Variants in CEP131 observed in about 807,000 individuals in gnomAD.
CEP131 encodes the protein centrosomal protein 131, also known as centrosomal protein of 131 kDa.
A neutral mutation model predicts 136.8 loss-of-function variants in CEP131; 99 were observed. That is an observed-to-expected ratio of 0.72 (90% CI 0.62 to 0.86). The LOEUF is 0.86. Ranked by LOEUF, CEP131 falls within the 40% of genes least tolerant of loss-of-function variation. The pLI, the probability that CEP131 is intolerant of heterozygous loss-of-function variation, is 0.00. For missense variants in CEP131, 1,459 were observed against 1,463.0 expected, an observed-to-expected ratio of 1.00 and a Z score of 0.04; for synonymous variants, 646 against 612.7, an observed-to-expected ratio of 1.05 and a Z score of -0.80.
chr17:81,200,026 C>T (rs924788692), intron 8 of CEP131, 191 bp from the exon 9 acceptor site: 48 of 638,022 alleles, frequency 7.5e-5, no homozygotes, highest in South Asian at 7.5e-4. Flanking sequence ...AGCCCTACGT[C>T]GCAGGTGGCC....
chr17:81,206,537 C>A (rs965067001), intron 5 of CEP131, among the ~76,000 whole-genome samples: 1 of 152,264 alleles, frequency 6.6e-6, no homozygotes. Flanking sequence ...AAGAGCAAAG[C>A]CTGGGCCGAG....
At chr17:81,198,560 T>C (rs2725420) in intron 11 of CEP131, among the ~76,000 whole-genome samples, 145,201 of 152,274 alleles carry the variant, frequency 0.95, 69,330 homozygotes, top group East Asian at 0.99. Context: ...GGCCCCACCA[T>C]TGAGCAGCCT....
At position 81,192,495 on chromosome 17, in the gene CEP131, T is replaced by C. The variant is rs1009543032; in HGVS notation, c.2528A>G (p.Glu843Gly). 2.2e-5 allele frequency: 35 copies of C among 1,611,394 alleles called. No individual in the cohort carries two copies. The highest frequency in any genetic ancestry group is 2.4e-5 in the Non-Finnish European group (28 of 1,179,736). The change falls in exon 20 of 26, where the codon GAG (glutamate) becomes GGG (glycine). Residue 843 changes from glutamate to glycine, a missense_variant. Glu to Gly is a moderately conservative substitution (Grantham distance 98). Around this residue, in one of 3 missense-constraint regions of CEP131, gnomAD observed 1,026 missense variants for 964.2 expected, o/e 1.06. Coordinates refer to ENST00000450824, the MANE Select transcript of CEP131 (RefSeq NM_014984.4). Reference sequence around the variant, plus strand: ...GTAGACCTGGTGCCGGCGCTCCTGCTCCTCCCTGCCCTTCTCAAACTCAGC... The same window carrying C: ...GTAGACCTGGTGCCGGCGCTCCTGCCCCTCCCTGCCCTTCTCAAACTCAGC... Reference protein sequence around the residue: ...LRAEFEKGREEQERRHQMELN... With the variant: ...LRAEFEKGREGQERRHQMELN...
chr17:81,213,721 G>A (rs1288928117), intron 2 of CEP131, among the ~76,000 whole-genome samples: 4 of 152,178 alleles, frequency 2.6e-5, no homozygotes, highest in African/African-American at 9.7e-5. Flanking sequence ...AGAGCACAGG[G>A]GATGGGCGAC....
rs2062236907 is a variant in CEP131 at position 81,215,983 on chromosome 17, T to A, written c.177+3897A>T. ...GCCCACACCCGTAATCCCAGCACTT[T>A]GGGAGGCCGAGGTGGGAGGATCGCT... On this transcript the variant is annotated intron_variant, in intron 2 of 25. Coordinates refer to ENST00000450824, the MANE Select transcript of CEP131 (RefSeq NM_014984.4). This position sits in a 1 kb window ranked among gnomAD's most constrained non-coding sequence, Gnocchi z 4.1. Among the ~76,000 whole-genome samples, 1 of 151,864 alleles carries A rather than the reference T, an allele frequency of 6.6e-6. No individual in the cohort carries two copies. The highest frequency in any genetic ancestry group is 2.1e-4 in the South Asian group (1 of 4,798).
At chr17:81,210,179 T>C (rs1367178921) in intron 2 of CEP131, among the ~76,000 whole-genome samples, 1 of 152,214 alleles carries the variant, frequency 6.6e-6, no homozygotes, top group Non-Finnish European at 1.5e-5. Context: ...TCCCTGACTT[T>C]CCTGTAGGCT....
At chr17:81,193,770 C>T (rs1447447166) in intron 18 of CEP131, among the ~76,000 whole-genome samples, 156 bp downstream of exon 18, 1 of 152,192 alleles carries the variant, frequency 6.6e-6, no homozygotes, top group Non-Finnish European at 1.5e-5. Context: ...GGCTGGGCCC[C>T]CAAGGGCCAC....
intron 15 of CEP131, 59 bp downstream of exon 15, chr17:81,196,642 T>C: frequency 6.4e-7 from 1 of 1,555,232 alleles, no homozygotes; most frequent in South Asian, 1.2e-5. Context: ...CCCCTGGCTC[T>C]GGAAGTCTCC....
chr17:81,221,948 C>T (rs112558835), intron 1 of CEP131, among the ~76,000 whole-genome samples: 20 of 152,206 alleles, frequency 1.3e-4, no homozygotes, highest in African/African-American at 3.9e-4. Context: ...GTCCCTTCCA[C>T]GGAGCGATGG....
In CEP131 at chr17:81,197,373, C is replaced by T. The variant is rs115371993; in HGVS notation, c.1648-318G>A. ...CCTGGCCGCTAGTGTTCACCCAGGA[C>T]AAACCAACCCAGAGGACAGCAGGGC... On this transcript the variant is annotated intron_variant, in intron 13 of 25. Transcript: ENST00000450824. 1,157 of 483,448 alleles carry T rather than the reference C, an allele frequency of 2.4e-3. 11 individuals carry two copies. In the African/African-American group the frequency reaches 0.03, roughly 13 times the overall value. 29.9% of individuals were successfully genotyped at this position (483,448 alleles called of 1,614,324 possible).
rs141427598 is a variant in CEP131, at chr17:81,197,453, C to T, written c.1647+259G>A. 3.1e-4 allele frequency: 175 copies of T among 566,272 alleles called. 1 individual carries two copies. Among genetic ancestry groups the T allele is most frequent in the Admixed American group, 9.1e-4 (27 of 29,726 alleles). The allele number at this position is 566,272 out of a possible 1,614,324, so 35.1% of individuals were successfully genotyped here. ...GGCTCGTGGAGGCAGCTCGGGGCAG[C>T]GGGTAGGTGGGGGCAGTATGGGGAA... is the stretch of plus-strand genomic sequence containing the variant. On this transcript the variant is annotated intron_variant, in intron 13 of 25. Transcript: ENST00000450824.
chr17:81,192,029 G>C (rs1355883346), intron 21 of CEP131, among the ~76,000 whole-genome samples: 1 of 152,076 alleles, frequency 6.6e-6, no homozygotes, highest in African/African-American at 2.4e-5. Flanking sequence ...GGCTGGTCGT[G>C]GGGCGCAGGG....
chr17:81,199,335 C>T (rs1465994646), intron 10 of CEP131, 46 bp downstream of exon 10: 1 of 1,534,206 alleles, frequency 6.5e-7, no homozygotes, highest in Admixed American at 2.0e-5. Flanking sequence ...TCCTTCCTGG[C>T]TGCAGTCCAC....
Position 81,199,501 on chromosome 17 carries a change from C to G in CEP131, c.1072G>C (p.Glu358Gln). Residue 358 changes from glutamate to glutamine, a missense_variant, in exon 10 of 26, where the codon GAG becomes CAG. Glu to Gln is a conservative substitution (Grantham distance 29). Coordinates refer to ENST00000450824, the MANE Select transcript of CEP131 (RefSeq NM_014984.4). ...ALRAQKASTA[E>Q]RGPPENPRET... ...CTGGGATTCTCAGGTGGCCCACGCT[C>G]GGCAGTGCTCGCCTTCTGGGCTCTC... 1 of 1,608,538 alleles carries G rather than the reference C, an allele frequency of 6.2e-7. No homozygotes were observed. The highest frequency in any genetic ancestry group is 8.5e-7 in the Non-Finnish European group (1 of 1,178,062).
At chr17:81,205,804 G>A (rs1030957547) in intron 5 of CEP131, among the ~76,000 whole-genome samples, 2 of 152,084 alleles carry the variant, frequency 1.3e-5, no homozygotes, top group African/African-American at 4.8e-5. Flanking sequence ...AAGGCTGAAG[G>A]GGGAGGATCT....
At position 81,208,826 on chromosome 17, in the gene CEP131, G is replaced by A. The variant is rs1490221644; in HGVS notation, c.272+102C>T. 1.1e-5 allele frequency: 10 copies of A among 909,510 alleles called. No individual in the cohort carries two copies. The African/African-American group carries it at 1.5e-4, about 13-fold the overall frequency. 56.3% of individuals were successfully genotyped at this position (909,510 alleles called of 1,614,324 possible). Reference sequence around the variant, plus strand: ...GCCAGCAAGGGCCCGGGACCCAGGAGGCTGGAGGAAGGGCAGAGCAGAGGC... The same window carrying A: ...GCCAGCAAGGGCCCGGGACCCAGGAAGCTGGAGGAAGGGCAGAGCAGAGGC... On this transcript the variant is annotated intron_variant, in intron 3 of 25. Coordinates refer to ENST00000450824, the MANE Select transcript of CEP131 (RefSeq NM_014984.4). This position sits in a 1 kb window ranked among gnomAD's most constrained non-coding sequence, Gnocchi z 5.6.
chr17:81,206,659 G>T, intron 5 of CEP131, 85 bp downstream of exon 5: 2 of 1,491,636 alleles, frequency 1.3e-6, no homozygotes, highest in Non-Finnish European at 9.0e-7. Context: ...CCCTGAACGA[G>T]CCATAAACAA....
At chr17:81,194,698 C>T (rs550303557) in intron 17 of CEP131, among the ~76,000 whole-genome samples, 172 bp downstream of exon 17, 4 of 152,274 alleles carry the variant, frequency 2.6e-5, no homozygotes, top group African/African-American at 7.2e-5. Context: ...CCCCGGGTCA[C>T]GGCAGAAGCC....
rs566321585 is a variant in CEP131, at chr17:81,203,874, C to T, written c.516-267G>A. 54 of 442,382 alleles carry T rather than the reference C, an allele frequency of 1.2e-4. No homozygotes were observed. Among genetic ancestry groups the T allele is most frequent in the African/African-American group, 8.6e-4 (43 of 50,222 alleles). 27.4% of individuals were successfully genotyped at this position (442,382 alleles called of 1,614,324 possible). A position where few individuals can be genotyped will look rare whatever the true frequency, so the allele number is the denominator to read the frequency against. On this transcript the variant is annotated intron_variant, in intron 5 of 25. Coordinates refer to ENST00000450824, the MANE Select transcript of CEP131 (RefSeq NM_014984.4). The surrounding 1 kb of genome is among the most constrained non-coding windows in gnomAD (Gnocchi z 4.6). ...GCATGAACGCTGGACGTGCCCAAGA[C>T]GGGGGGAGCAGCTCAGGCCAGCAGC...
Sources: allele counts gnomAD v4.1 joint callset (sites outside exome capture counted in the v4.1 genomes callset), GRCh38; gene constraint gnomAD v4.1.1; regional missense constraint gnomAD v4.1.1; non-coding constraint Gnocchi (gnomAD v3.1); transcripts MANE v1.5; gene names NCBI Gene and HGNC (gene_info 2026-07-23, HGNC 2026-07-21).